TTLL5: variants seen among roughly 807,000 people sequenced by gnomAD.
TTLL5 encodes the protein tubulin tyrosine ligase like 5.
In TTLL5, 132 loss-of-function variants were observed where a neutral mutation model predicts 168.4. The ratio of observed to expected loss-of-function variants is 0.78; its 90% CI spans 0.68 to 0.91. The LOEUF (loss-of-function observed/expected upper bound fraction) is 0.91, where lower values mean the gene tolerates loss of function less well. Among genes scored for constraint, TTLL5 ranks in the 40% least tolerant of loss-of-function variants. TTLL5 has a pLI of 0.00. For missense variants in TTLL5, 1,545 were observed against 1,581.5 expected (o/e 0.98, Z 0.39); for synonymous variants, 546 against 558.6 (o/e 0.98, Z 0.32).
chr14:75,876,382 CAA>C (rs1239514734), intron 29 of TTLL5, among the ~76,000 whole-genome samples: 1 of 152,140 alleles, frequency 6.6e-6, no homozygotes, highest in African/African-American at 2.4e-5. Flanking sequence ...GGTTAGTGAA[CAA>C]TAGTTTCGAA....
chr14:75,695,387 A>G (rs544902024), intron 6 of TTLL5, among the ~76,000 whole-genome samples: 1 of 152,294 alleles, frequency 6.6e-6, no homozygotes, highest in African/African-American at 2.4e-5. Context: ...GGGACATGAA[A>G]CTTCATTAGC....
chr14:75,784,636 T>C (rs1266789527), intron 26 of TTLL5, among the ~76,000 whole-genome samples: 1 of 152,262 alleles, frequency 6.6e-6, no homozygotes, highest in African/African-American at 2.4e-5. Context: ...ATGATAACTT[T>C]TTGTATTTCC....
intron 27 of TTLL5, among the ~76,000 whole-genome samples, chr14:75,808,320 C>T (rs145482921): frequency 1.3e-3 from 196 of 152,314 alleles, no homozygotes; most frequent in African/African-American, 4.6e-3. Flanking sequence ...AGATTCCCTG[C>T]TTTTCCTGAC....
chr14:75,742,522 C>T (rs576034559), intron 15 of TTLL5, among the ~76,000 whole-genome samples: 1 of 152,168 alleles, frequency 6.6e-6, no homozygotes. Context: ...CAGCCTCTCA[C>T]GTAGCTGAGA....
chr14:75,951,633 A>G (rs944912313), intron 31 of TTLL5, among the ~76,000 whole-genome samples: 8 of 152,040 alleles, frequency 5.3e-5, no homozygotes, highest in Non-Finnish European at 1.0e-4. Flanking sequence ...ATGGTGGTAC[A>G]TGCCTGTGGT....
chr14:75,727,779 G>A (rs1418507307), intron 12 of TTLL5: 1 of 477,254 alleles, frequency 2.1e-6, no homozygotes, highest in Non-Finnish European at 4.2e-6. Context: ...TATACCATAT[G>A]ATTCCATTTA....
At chr14:75,694,732 C>A (rs1885710153) in intron 6 of TTLL5, among the ~76,000 whole-genome samples, 1 of 152,116 alleles carries the variant, frequency 6.6e-6, no homozygotes, top group Non-Finnish European at 1.5e-5. Flanking sequence ...TTATTAGTTC[C>A]CCAAATTAAT....
chr14:75,920,439 G>A (rs1350462602), intron 31 of TTLL5, among the ~76,000 whole-genome samples: 2 of 151,642 alleles, frequency 1.3e-5, no homozygotes, highest in African/African-American at 2.4e-5. Context: ...TGTTCCCCTC[G>A]ACCCCTGTGT....
chr14:75,870,529 A>G (rs1402446401), intron 29 of TTLL5, among the ~76,000 whole-genome samples: 1 of 152,166 alleles, frequency 6.6e-6, no homozygotes, highest in African/African-American at 2.4e-5. Context: ...AGCACCTAAC[A>G]ACACATGCAG....
chr14:75,795,674 T>C (rs1463066880), intron 27 of TTLL5, among the ~76,000 whole-genome samples: 1 of 152,216 alleles, frequency 6.6e-6, no homozygotes, highest in Non-Finnish European at 1.5e-5. Context: ...GAACATATGA[T>C]GTCTGGTTTT....
chr14:75,862,787 T>A (rs1279336689), intron 28 of TTLL5, among the ~76,000 whole-genome samples: 1 of 151,718 alleles, frequency 6.6e-6, no homozygotes, highest in African/African-American at 2.4e-5. Context: ...ACAAAAAAAA[T>A]ATATAAAAAT....
At chr14:75,896,705 A>T (rs1392913890) in intron 30 of TTLL5, among the ~76,000 whole-genome samples, 1 of 152,226 alleles carries the variant, frequency 6.6e-6, no homozygotes. Flanking sequence ...CAGACCTTAA[A>T]GAAAGCATAT....
intron 15 of TTLL5, among the ~76,000 whole-genome samples, chr14:75,736,330 G>T (rs1382074761): frequency 6.6e-6 from 1 of 151,658 alleles, no homozygotes; most frequent in Non-Finnish European, 1.5e-5. Flanking sequence ...TTGCTTGCTA[G>T]TCTCATTTGG....
chr14:75,713,434 T>C (rs750714249), intron 9 of TTLL5, among the ~76,000 whole-genome samples: 2 of 152,202 alleles, frequency 1.3e-5, no homozygotes, highest in Non-Finnish European at 2.9e-5. Context: ...ATACGCTCTA[T>C]GATGTTCACA....
intron 12 of TTLL5, among the ~76,000 whole-genome samples, chr14:75,729,256 C>G (rs1450732114): frequency 1.3e-5 from 2 of 152,248 alleles, no homozygotes; most frequent in African/African-American, 4.8e-5. Context: ...ACTGGAAAAG[C>G]CCAGCTAGCT....
intron 13 of TTLL5, among the ~76,000 whole-genome samples, chr14:75,732,776 C>A (rs1888627007): frequency 6.6e-6 from 1 of 152,028 alleles, no homozygotes; most frequent in Non-Finnish European, 1.5e-5. Context: ...TTTACAGGTT[C>A]AAATCCACAT....
chr14:75,730,970 G>A (rs888349531), intron 12 of TTLL5, among the ~76,000 whole-genome samples: 20 of 152,012 alleles, frequency 1.3e-4, no homozygotes, highest in Middle Eastern at 3.4e-3. Context: ...TGCCTGCCTC[G>A]GCCTCCCAAA....
At chr14:75,939,606 C>G (rs946745125) in intron 31 of TTLL5, among the ~76,000 whole-genome samples, 1 of 151,962 alleles carries the variant, frequency 6.6e-6, no homozygotes, top group African/African-American at 2.4e-5. Flanking sequence ...CCAGGCTGGT[C>G]TCAAATTCCT....
At chr14:75,914,777 C>A (rs957168856) in intron 31 of TTLL5, among the ~76,000 whole-genome samples, 2 of 152,140 alleles carry the variant, frequency 1.3e-5, no homozygotes, top group African/African-American at 4.8e-5. Context: ...GAGCCTGCCA[C>A]CATGCCTGGC....
Sources: allele counts gnomAD v4.1 joint callset (sites outside exome capture counted in the v4.1 genomes callset), GRCh38; gene constraint gnomAD v4.1.1; transcripts MANE v1.5; gene names NCBI Gene and HGNC (gene_info 2026-07-23, HGNC 2026-07-21).